PRKN: variants seen among roughly 807,000 people sequenced by gnomAD.
PRKN encodes parkin RBR E3 ubiquitin protein ligase, also known as E3 ubiquitin-protein ligase parkin.
Under a neutral mutation model 59.5 loss-of-function variants are expected in PRKN, and 56 were observed. The observed-to-expected ratio is 0.94, with a 90% CI of 0.76 to 1.18. The LOEUF (loss-of-function observed/expected upper bound fraction) is 1.18, where lower values mean the gene tolerates loss of function less well. PRKN is among the 50% of genes most tolerant of loss of function. The probability of loss-of-function intolerance (pLI) is 0.00; values close to 1 mark genes in which losing one functional copy is unlikely to be tolerated. For synonymous variants in PRKN, 250 were observed against 222.1 expected, an observed-to-expected ratio of 1.13 and a Z score of -1.12; for missense variants, 657 against 596.4, an observed-to-expected ratio of 1.10 and a Z score of -1.06.
At chr6:161,539,656 C>T (rs1485837328) in intron 9 of PRKN, among the ~76,000 whole-genome samples, 2 of 152,054 alleles carry the variant, frequency 1.3e-5, no homozygotes, top group African/African-American at 2.4e-5. Context: ...CCTAAGTAAC[C>T]ATCAACTACA....
rs909565391 is a variant in PRKN at position 161,385,508 on chromosome 6, A to T, written c.1167+1286T>A. ...CTGAAGAATGAATGGGATTAGAGGG[A>T]GGGTCAGGCGCCTGGATGGCTTTAG... On this transcript the variant is annotated intron_variant, in intron 10 of 11. Transcript: ENST00000366898. This position sits in a 1 kb window ranked among gnomAD's most constrained non-coding sequence, Gnocchi z 4.9. 4.6e-5 allele frequency among the ~76,000 whole-genome samples: 7 copies of T among 152,144 alleles called. No homozygotes were observed. The highest frequency in any genetic ancestry group is 7.3e-5 in the Non-Finnish European group (5 of 68,038).
intron 6 of PRKN, among the ~76,000 whole-genome samples, chr6:161,808,527 G>A (rs1173097867): frequency 6.6e-6 from 1 of 152,148 alleles, no homozygotes; most frequent in Non-Finnish European, 1.5e-5. Context: ...AGCAAATAGG[G>A]TGAAATATGA....
chr6:161,463,223 G>A lies in PRKN; in HGVS notation c.1084-76346C>T, dbSNP rs1322852233. On this transcript the variant is annotated intron_variant, in intron 9 of 11. Transcript: ENST00000366898. The surrounding 1 kb of genome is among the most constrained non-coding windows in gnomAD (Gnocchi z 4.8). Reference sequence around the variant, plus strand: ...AGATTCAGCACGGCCTCTGGAAGGTGACTGCCAGGTCAGCTTCACTGTCAG... The same window carrying A: ...AGATTCAGCACGGCCTCTGGAAGGTAACTGCCAGGTCAGCTTCACTGTCAG... Among the ~76,000 whole-genome samples, 1 of 152,126 alleles carries A rather than the reference G, an allele frequency of 6.6e-6. No homozygotes were observed. Among genetic ancestry groups the A allele is most frequent in the Non-Finnish European group, 1.5e-5 (1 of 68,014 alleles).
intron 7 of PRKN, among the ~76,000 whole-genome samples, chr6:161,643,950 G>GC (rs1172482798): frequency 1.4e-5 from 2 of 141,346 alleles, no homozygotes. Flanking sequence ...ATTTTTTTTA[G>GC]CCTGTCTTAA....
At chr6:161,415,594 C>A (rs1226729232) in intron 9 of PRKN, among the ~76,000 whole-genome samples, 2 of 13,940 alleles carry the variant, frequency 1.4e-4, no homozygotes, top group Admixed American at 8.3e-4. Flanking sequence ...GAAATGTCGC[C>A]CCCCCCCCCC....
chr6:162,378,278 G>T (rs946350727), intron 2 of PRKN, among the ~76,000 whole-genome samples: 1 of 152,224 alleles, frequency 6.6e-6, no homozygotes, highest in Non-Finnish European at 1.5e-5. Flanking sequence ...TGGGTTTCAA[G>T]AATACTTTTT....
At chr6:162,478,346 T>G (rs1055448699) in intron 1 of PRKN, among the ~76,000 whole-genome samples, 8 of 152,134 alleles carry the variant, frequency 5.3e-5, no homozygotes, top group Non-Finnish European at 8.8e-5. Flanking sequence ...TGGCTGAAAC[T>G]CCGCTTAAAC....
chr6:162,536,017 C>T (rs1306472116), intron 1 of PRKN, among the ~76,000 whole-genome samples: 1 of 151,956 alleles, frequency 6.6e-6, no homozygotes, highest in East Asian at 1.9e-4. Flanking sequence ...CTTATTTACA[C>T]ATCAAACTAT....
chr6:161,574,977 C>G (rs146490044), intron 7 of PRKN, among the ~76,000 whole-genome samples: 2 of 152,158 alleles, frequency 1.3e-5, no homozygotes, highest in Admixed American at 1.3e-4. Flanking sequence ...GTCCTGCTGT[C>G]CTTGGAAATT....
At position 162,158,383 on chromosome 6, in the gene PRKN, T is replaced by G. The variant is rs1257060688; in HGVS notation, c.534+42748A>C. ...CAAAGGCTACTTATCTTGTAGAGTG[T>G]AAAAGACCAAAGCTTTTTGTTTGTT... is the stretch of plus-strand genomic sequence containing the variant. On this transcript the variant is annotated intron_variant, in intron 4 of 11. Transcript: ENST00000366898. 3.3e-5 allele frequency among the ~76,000 whole-genome samples: 5 copies of G among 149,376 alleles called. 1 individual carries two copies. The highest frequency in any genetic ancestry group is 7.4e-5 in the Non-Finnish European group (5 of 67,640).
chr6:161,773,527 A>C (rs1789784238), intron 7 of PRKN, among the ~76,000 whole-genome samples: 1 of 138,560 alleles, frequency 7.2e-6, no homozygotes, highest in African/African-American at 2.7e-5. Context: ...TACACACTAC[A>C]CAAACACACA....
At chr6:162,193,209 C>T (rs963671007) in intron 4 of PRKN, among the ~76,000 whole-genome samples, 2 of 152,184 alleles carry the variant, frequency 1.3e-5, no homozygotes, top group African/African-American at 4.8e-5. Flanking sequence ...CAATGAATAA[C>T]ATATGATAAA....
At chr6:162,510,373 T>C (rs954336624) in intron 1 of PRKN, among the ~76,000 whole-genome samples, 7 of 149,988 alleles carry the variant, frequency 4.7e-5, no homozygotes, top group African/African-American at 1.8e-4. Flanking sequence ...CATATGATGA[T>C]GGCAGGTGCT....
Position 162,358,620 on chromosome 6 carries a change from G to C in PRKN, c.171+84690C>G, listed in dbSNP as rs1784980588. ...CTTCACCAATTTTGAAATAGTTCTA[G>C]TAGATAACTATTAAAGATCATTAAA... On this transcript the variant is annotated intron_variant, in intron 2 of 11. Transcript: ENST00000366898. Among the ~76,000 whole-genome samples the C allele has an allele frequency of 2.6e-5, 4 of 152,150 alleles. No individual in the cohort carries two copies. The South Asian group carries it at 8.3e-4, about 32-fold the overall frequency.
Position 161,362,238 on chromosome 6 carries a change from A to G in PRKN, c.1168-2033T>C, listed in dbSNP as rs1785004185. Among the ~76,000 whole-genome samples, 1 of 152,236 alleles carries G rather than the reference A, an allele frequency of 6.6e-6. No individual in the cohort carries two copies. The highest frequency in any genetic ancestry group is 2.1e-4 in the South Asian group (1 of 4,830). ...AATGCTGGATCAAATATGGAAAAAA[A>G]TCTTTTTTAAACGTACGGCTGATAG... On this transcript the variant is annotated intron_variant, in intron 10 of 11. Transcript: ENST00000366898. The surrounding 1 kb of genome is among the most constrained non-coding windows in gnomAD (Gnocchi z 5.2).
At chr6:161,748,656 T>C (rs1421012707) in intron 7 of PRKN, among the ~76,000 whole-genome samples, 6 of 152,122 alleles carry the variant, frequency 3.9e-5, no homozygotes, top group Admixed American at 3.9e-4. Context: ...GACAAAGGCA[T>C]TCATTAAGAG....
At chr6:162,471,887 T>C (rs7450537) in intron 1 of PRKN, among the ~76,000 whole-genome samples, 44,368 of 151,836 alleles carry the variant, frequency 0.29, 6,639 homozygotes, top group East Asian at 0.44. Context: ...CTAATTGGAA[T>C]TGCAGCCATC....
chr6:162,097,589 T>C (rs1464699666), intron 4 of PRKN, among the ~76,000 whole-genome samples: 2 of 152,184 alleles, frequency 1.3e-5, no homozygotes, highest in African/African-American at 2.4e-5. Flanking sequence ...AGGCTAACCA[T>C]TTCACTTCTC....
At chr6:162,192,483 C>T (rs1334983622) in intron 4 of PRKN, among the ~76,000 whole-genome samples, 7 of 109,700 alleles carry the variant, frequency 6.4e-5, no homozygotes, top group African/African-American at 2.6e-4. Context: ...GATAAGGTCT[C>T]GCTCTGTCAC....
Sources: gnomAD v4.1 joint callset for allele counts (sites outside exome capture counted in the v4.1 genomes callset) on GRCh38, gnomAD v4.1.1 for gene constraint, Gnocchi (gnomAD v3.1) non-coding constraint, MANE v1.5 for transcripts, NCBI Gene and HGNC (gene_info 2026-07-23, HGNC 2026-07-21) for gene names.